Variants in FREM1 observed in about 807,000 individuals in gnomAD.
The protein encoded by FREM1 is FRAS1-related extracellular matrix protein 1.
FREM1 carries 220 observed loss-of-function variants against 210.1 expected under a neutral mutation model. The observed-to-expected ratio is 1.05, with a 90% CI of 0.94 to 1.17. The LOEUF (loss-of-function observed/expected upper bound fraction) is 1.17. FREM1 is among the 50% of genes most tolerant of loss of function. The probability of loss-of-function intolerance (pLI) is 0.00; values close to 1 mark genes in which losing one functional copy is unlikely to be tolerated. For missense variants in FREM1, 3,454 were observed against 2,675.5 expected, an observed-to-expected ratio of 1.29 and a Z score of -6.42; for synonymous variants, 1,189 against 980.2, an observed-to-expected ratio of 1.21 and a Z score of -3.98.
intron 1 of FREM1, among the ~76,000 whole-genome samples, chr9:14,884,225 T>A (rs1294932093): frequency 1.3e-5 from 2 of 151,716 alleles, no homozygotes; most frequent in Non-Finnish European, 2.9e-5. Context: ...CGAGACTCCA[T>A]CTCAAAAAAG....
At chr9:14,787,630 T>C (rs1850622739) in intron 23 of FREM1, among the ~76,000 whole-genome samples, 2 of 152,110 alleles carry the variant, frequency 1.3e-5, no homozygotes, top group African/African-American at 4.8e-5. Context: ...CTTGAGTGAC[T>C]CTAAGGCCTT....
At chr9:14,744,927 C>T (rs1329948973) in intron 35 of FREM1, among the ~76,000 whole-genome samples, 1 of 152,146 alleles carries the variant, frequency 6.6e-6, no homozygotes, top group African/African-American at 2.4e-5. Context: ...CCATGGAATA[C>T]TATGCAGCCA....
chr9:14,850,388 C>G (rs1827484115), intron 6 of FREM1: 1 of 147,510 alleles, frequency 6.8e-6, no homozygotes, highest in Non-Finnish European at 1.5e-5. Context: ...AAAGCTCTCA[C>G]AAAAAAAAAG....
At chr9:14,742,195 T>G (rs775686424) in intron 35 of FREM1, among the ~76,000 whole-genome samples, 1 of 152,192 alleles carries the variant, frequency 6.6e-6, no homozygotes, top group Non-Finnish European at 1.5e-5. Flanking sequence ...ATTTGTAGTA[T>G]AGAATTAGAA....
At position 14,737,277 on chromosome 9, in the gene FREM1, G is replaced by A; in HGVS notation, c.*119C>T. The A allele has an allele frequency of 3.2e-6, 2 of 619,162 alleles. No homozygotes were observed. The highest frequency in any genetic ancestry group is 5.8e-5 in the East Asian group (2 of 34,564). 38.4% of individuals were successfully genotyped at this position (619,162 alleles called of 1,614,324 possible). A position where few individuals can be genotyped will look rare whatever the true frequency, so the allele number is the denominator to read the frequency against. On this transcript the variant is annotated 3_prime_UTR_variant, in exon 37 of 37. Transcript: ENST00000380880. Reference sequence around the variant, plus strand: ...AAAAATGTCCCATTTTCACTAGACAGAATCACAAAGGTATACCCACTCAAT... The same window carrying A: ...AAAAATGTCCCATTTTCACTAGACAAAATCACAAAGGTATACCCACTCAAT...
intron 7 of FREM1, among the ~76,000 whole-genome samples, chr9:14,847,700 C>T (rs1032398798): frequency 1.4e-4 from 21 of 152,110 alleles, no homozygotes; most frequent in Non-Finnish European, 2.8e-4. Flanking sequence ...AATAAGCAAA[C>T]ATTTATTTTA....
chr9:14,760,496 A>C (rs1266982014), intron 27 of FREM1, among the ~76,000 whole-genome samples: 2 of 152,204 alleles, frequency 1.3e-5, no homozygotes, highest in Non-Finnish European at 2.9e-5. Context: ...CTTGGATGCA[A>C]CTATATAACT....
chr9:14,756,328 A>AT (rs1197035881), intron 29 of FREM1, 46 bp downstream of exon 29: 2 of 1,436,756 alleles, frequency 1.4e-6, no homozygotes, highest in Admixed American at 4.2e-5. Context: ...TACAAAAAAA[A>AT]ACAAAAAACA....
chr9:14,768,801 TA>T (rs1198170834), intron 27 of FREM1, among the ~76,000 whole-genome samples: 1 of 152,308 alleles, frequency 6.6e-6, no homozygotes, highest in Non-Finnish European at 1.5e-5. Context: ...TTTCTTTTCT[TA>T]ATCTATACTC....
chr9:14,808,531 T>A (rs558552913), intron 16 of FREM1, among the ~76,000 whole-genome samples: 1 of 152,316 alleles, frequency 6.6e-6, no homozygotes, highest in Admixed American at 6.5e-5. Flanking sequence ...TTGGTAAGTG[T>A]CTTTCCATTT....
intron 28 of FREM1, 27 bp downstream of exon 28, chr9:14,759,745 T>G (rs769110871): frequency 6.5e-7 from 1 of 1,540,180 alleles, no homozygotes; most frequent in Non-Finnish European, 8.8e-7. Context: ...AGTTTTAGCT[T>G]GATAATTTAC....
In FREM1 at chr9:14,900,237, T is replaced by C. The variant is rs147201427; in HGVS notation, c.-268+9677A>G. ...CATCACCCAGTCACCACTCCCAGAGTTTCTGATTTAATTTGTCTGAGTGGG... is the reference window on the plus strand; with the variant it reads ...CATCACCCAGTCACCACTCCCAGAGCTTCTGATTTAATTTGTCTGAGTGGG... On this transcript the variant is annotated intron_variant, in intron 1 of 36. Transcript: ENST00000380880. Among the ~76,000 whole-genome samples the C allele has an allele frequency of 2.3e-3, 353 of 152,142 alleles. 2 individuals are homozygous for C. Among genetic ancestry groups the C allele is most frequent in the African/African-American group, 8.1e-3 (337 of 41,514 alleles).
chr9:14,779,275 G>A (rs946192832), intron 24 of FREM1, among the ~76,000 whole-genome samples: 3 of 152,200 alleles, frequency 2.0e-5, no homozygotes, highest in South Asian at 2.1e-4. Context: ...GCTCTGTGGA[G>A]AGTGTTAAAT....
chr9:14,848,213 T>C (rs1187112272), intron 7 of FREM1, among the ~76,000 whole-genome samples: 4 of 152,218 alleles, frequency 2.6e-5, no homozygotes, highest in Non-Finnish European at 2.9e-5. Context: ...TTGAGAGGCA[T>C]AGAAAGCCAT....
rs756420258 is a variant in FREM1, at chr9:14,747,031, T to C, written c.6030A>G (p.Pro2010=). 1.2e-6 allele frequency: 2 copies of C among 1,613,290 alleles called. No individual in the cohort carries two copies. The highest frequency in any genetic ancestry group is 2.2e-5 in the East Asian group (1 of 44,868). ...CCTTTAATTCCAGAGTGCAGTTCTT[T>C]GGAAATGAGGGCAACTGGTCCTTTG... ...FPRQDQLPSF[P]KNCTLELKGL... The change falls in exon 34 of 37, where the codon CCA becomes CCG. Residue 2010 remains proline, a synonymous_variant. Coordinates refer to ENST00000380880, the MANE Select transcript of FREM1 (RefSeq NM_001379081.2).
intron 7 of FREM1, among the ~76,000 whole-genome samples, chr9:14,848,275 C>T (rs2131334061): frequency 6.6e-6 from 1 of 152,254 alleles, no homozygotes; most frequent in East Asian, 1.9e-4. Flanking sequence ...CCATGCAGCC[C>T]AACATAAAAA....
At chr9:14,878,983 CCT>C (rs1426642655) in intron 1 of FREM1, among the ~76,000 whole-genome samples, 2 of 152,050 alleles carry the variant, frequency 1.3e-5, no homozygotes, top group East Asian at 3.9e-4. Flanking sequence ...CGGTGAAACC[CCT>C]GTCTCTACTA....
chr9:14,773,424 C>T (rs1847949846), intron 25 of FREM1, among the ~76,000 whole-genome samples: 1 of 152,120 alleles, frequency 6.6e-6, no homozygotes, highest in Non-Finnish European at 1.5e-5. Flanking sequence ...GATCAACATC[C>T]ATATTGTCTT....
chr9:14,803,114 C>G (rs1817617812), intron 19 of FREM1, among the ~76,000 whole-genome samples: 1 of 144,176 alleles, frequency 6.9e-6, no homozygotes, highest in Admixed American at 7.0e-5. Context: ...CCCTCCCTCC[C>G]TCCCTCTTTT....
Sources: allele counts gnomAD v4.1 joint callset (sites outside exome capture counted in the v4.1 genomes callset), GRCh38; gene constraint gnomAD v4.1.1; transcripts MANE v1.5; gene names NCBI Gene and HGNC (gene_info 2026-07-23, HGNC 2026-07-21).